Variants in CCT5 observed in about 807,000 individuals in gnomAD.
CCT5 encodes chaperonin containing TCP1 subunit 5.
A neutral mutation model predicts 55.0 loss-of-function variants in CCT5; 6 were observed. The ratio of observed to expected loss-of-function variants is 0.11; its 90% CI spans 0.06 to 0.22. The LOEUF (loss-of-function observed/expected upper bound fraction) is 0.22, where lower values mean the gene tolerates loss of function less well. CCT5 is among the 10% of genes least tolerant of loss of function. CCT5 has a pLI of 1.00. For missense variants in CCT5, 560 were observed against 694.6 expected, an observed-to-expected ratio of 0.81 and a Z score of 2.18; for synonymous variants, 231 against 243.7, an observed-to-expected ratio of 0.95 and a Z score of 0.49.
chr5:10,255,573 G>A (rs1200122762), intron 3 of CCT5, among the ~76,000 whole-genome samples: 4 of 127,132 alleles, frequency 3.1e-5, no homozygotes, highest in Admixed American at 8.9e-5. Context: ...GAGAAAGGAG[G>A]ATGGGGGTGG....
At chr5:10,258,355 C>G in intron 5 of CCT5, 31 bp from the exon 6 acceptor site, 1 of 1,613,894 alleles carries the variant, frequency 6.2e-7, no homozygotes, top group Admixed American at 1.7e-5. Flanking sequence ...CTTAATTCCA[C>G]CAATTAAAAT....
intron 4 of CCT5, 26 bp from the exon 5 acceptor site, chr5:10,258,085 A>C (rs775816493): frequency 2.9e-5 from 47 of 1,611,888 alleles, no homozygotes; most frequent in Non-Finnish European, 3.9e-5. Flanking sequence ...AAACCAATGA[A>C]GTTTGTTTTG....
intron 4 of CCT5, among the ~76,000 whole-genome samples, chr5:10,257,521 T>G (rs1340968415): frequency 1.3e-5 from 2 of 152,366 alleles, no homozygotes; most frequent in East Asian, 3.8e-4. Flanking sequence ...AGTGCTAGGT[T>G]TCCCTAGTTG....
At chr5:10,249,931 AAAACC>A (rs1415771084), upstream of CCT5, 2,891 of 644,888 alleles carry the variant, frequency 4.5e-3, 15 homozygotes, top group Non-Finnish European at 5.2e-3. Flanking sequence ...AAAAAAAAAA[AAAACC>A]GGAAATGGGT....
intron 8 of CCT5, chr5:10,262,138 C>A: frequency 2.5e-6 from 1 of 400,238 alleles, no homozygotes; most frequent in Non-Finnish European, 4.7e-6. Context: ...TGACTTACAT[C>A]TGTCCCTTAG....
At chr5:10,264,600 T>C in intron 10 of CCT5, 56 bp from the exon 11 acceptor site, 3 of 1,140,376 alleles carry the variant, frequency 2.6e-6, no homozygotes, top group Non-Finnish European at 4.0e-6. Flanking sequence ...AAGAGTTGGT[T>C]ATTGATAGTT....
intron 1 of CCT5, among the ~76,000 whole-genome samples, chr5:10,251,540 G>T (rs1745415455): frequency 6.6e-6 from 1 of 152,136 alleles, no homozygotes; most frequent in Non-Finnish European, 1.5e-5. Context: ...TGTCTTGGAG[G>T]TTTACTTACG....
At chr5:10,260,052 A>G (rs1579454089) in intron 6 of CCT5, among the ~76,000 whole-genome samples, 1 of 152,032 alleles carries the variant, frequency 6.6e-6, no homozygotes, top group Non-Finnish European at 1.5e-5. Flanking sequence ...TGTGACGGAG[A>G]GATTGTATAA....
At chr5:10,260,989 C>T in intron 7 of CCT5, 78 bp downstream of exon 7, 1 of 1,423,042 alleles carries the variant, frequency 7.0e-7, no homozygotes, top group Non-Finnish European at 9.9e-7. Flanking sequence ...ATAGCCCTGC[C>T]TTAAATAACT....
chr5:10,263,241 C>T lies in CCT5; in HGVS notation c.1425C>T (p.Thr475=), dbSNP rs370529963. ...NSGMNPIQTM[T]EVRARQVKEM... ...GCATGAATCCCATCCAGACTATGAC[C>T]GAAGTCCGAGCCAGACAGGTGAAGG... is the stretch of plus-strand genomic sequence containing the variant. Residue 475 remains threonine (T), a synonymous_variant, in exon 10 of 11, where the codon ACC becomes ACT. Transcript: ENST00000280326. The T allele has an allele frequency of 7.2e-5, 116 of 1,614,030 alleles. No individual in the cohort carries two copies. Among genetic ancestry groups the T allele is most frequent in the African/African-American group, 5.3e-4 (40 of 74,892 alleles).
In CCT5 at chr5:10,254,773, A is replaced by G. The variant is rs747601270; in HGVS notation, c.266A>G (p.Lys89Arg). 3.7e-6 allele frequency: 6 copies of G among 1,614,100 alleles called. No individual in the cohort carries two copies. The highest frequency in any genetic ancestry group is 1.1e-5 in the South Asian group (1 of 91,088). ...ATGGATGTTGATCATCAGATTGCCAAGCTGATGGTGGAACTGTCCAAGTCT... is the reference window on the plus strand; with the variant it reads ...ATGGATGTTGATCATCAGATTGCCAGGCTGATGGTGGAACTGTCCAAGTCT... ...SMMDVDHQIA[K>R]LMVELSKSQD... The change falls in exon 3 of 11, where the codon AAG becomes AGG. Residue 89 changes from lysine (K) to arginine (R), a missense_variant. Transcript: ENST00000280326.
Position 10,264,838 on chromosome 5 carries a change from G to A in CCT5, c.*55G>A, listed in dbSNP as rs1746143144. On this transcript the variant is annotated 3_prime_UTR_variant, in exon 11 of 11. Coordinates refer to ENST00000280326, the MANE Select transcript of CCT5 (RefSeq NM_012073.5). ...CACTTCTGTGATTAAGTAAATGGAT[G>A]TCTCGTGATGCATCTACAGTTATTT... The A allele has an allele frequency of 6.2e-7, 1 of 1,605,166 alleles. No homozygotes were observed. Among genetic ancestry groups the A allele is most frequent in the Non-Finnish European group, 8.5e-7 (1 of 1,172,424 alleles).
At chr5:10,252,551 G>A (rs1384731540) in intron 1 of CCT5, among the ~76,000 whole-genome samples, 1 of 148,672 alleles carries the variant, frequency 6.7e-6, no homozygotes, top group Non-Finnish European at 1.5e-5. Flanking sequence ...GGAGGCAGAG[G>A]TTGCGGTGAG....
chr5:10,254,825 C>T lies in CCT5; in HGVS notation c.318C>T (p.Thr106=), dbSNP rs2126500116. The change falls in exon 3 of 11, where the codon ACC becomes ACT. Residue 106 remains threonine, a synonymous_variant. Coordinates refer to ENST00000280326, the MANE Select transcript of CCT5 (RefSeq NM_012073.5). Reference sequence around the variant, plus strand: ...AGGATGATGAAATTGGAGATGGAACCACAGGAGTGGTTGGTAAGAAAAGAC... The same window carrying T: ...AGGATGATGAAATTGGAGATGGAACTACAGGAGTGGTTGGTAAGAAAAGAC... ...KSQDDEIGDG[T]TGVVVLAGAL... 6 of 1,613,910 alleles carry T rather than the reference C, an allele frequency of 3.7e-6. No homozygotes were observed. The highest frequency in any genetic ancestry group is 5.1e-6 in the Non-Finnish European group (6 of 1,179,852).
Position 10,252,119 on chromosome 5 carries a change from C to T in CCT5, c.105+1674C>T, listed in dbSNP as rs542184664. Among the ~76,000 whole-genome samples, 39 of 152,328 alleles carry T rather than the reference C, an allele frequency of 2.6e-4. 1 individual carries two copies. In the South Asian group the frequency reaches 8.1e-3, roughly 32 times the overall value. On this transcript the variant is annotated intron_variant, in intron 1 of 10. Coordinates refer to ENST00000280326, the MANE Select transcript of CCT5 (RefSeq NM_012073.5). Reference sequence around the variant, plus strand: ...TATTGACATTCGAGGTCGGATCATTCTTTGCTGTGGGAGCTCATTTGGACA... The same window carrying T: ...TATTGACATTCGAGGTCGGATCATTTTTTGCTGTGGGAGCTCATTTGGACA...
chr5:10,254,408 T>G, intron 2 of CCT5: 1 of 597,120 alleles, frequency 1.7e-6, no homozygotes. Flanking sequence ...TTTTTTTTTT[T>G]TAGCATGTAA....
In CCT5 at chr5:10,261,734, G is replaced by A; in HGVS notation, c.1168G>A (p.Gly390Arg). 12 of 1,613,518 alleles carry A rather than the reference G, an allele frequency of 7.4e-6. No individual in the cohort carries two copies. The highest frequency in any genetic ancestry group is 9.3e-6 in the Non-Finnish European group (11 of 1,179,554). ...SRAVTIFIRG[G>R]NKMIIEEAKR... ...AGCTGTAACCATTTTTATTAGAGGA[G>A]GAAATAAGATGGTGAGAATTCAACT... Residue 390 changes from glycine (G) to arginine (R), a missense_variant, in exon 8 of 11, where the codon GGA becomes AGA. Gly to Arg is a moderately radical substitution (Grantham distance 125). Transcript: ENST00000280326.
chr5:10,261,659 G>A lies in CCT5; in HGVS notation c.1093G>A (p.Gly365Arg). ...TGGTCTTGTACAGGAGATCTCATTT[G>A]GGACAACTAAGGATAAAATGCTGGT... ...FAGLVQEISF[G>R]TTKDKMLVIE... Residue 365 changes from glycine to arginine, a missense_variant, in exon 8 of 11, where the codon GGG (glycine) becomes AGG (arginine). By Grantham distance (125) the Gly-to-Arg change is moderately radical. Transcript: ENST00000280326. 3.1e-6 allele frequency: 5 copies of A among 1,614,100 alleles called. No homozygotes were observed. Among genetic ancestry groups the A allele is most frequent in the Non-Finnish European group, 4.2e-6 (5 of 1,179,970 alleles).
intron 7 of CCT5, 88 bp from the exon 8 acceptor site, chr5:10,261,472 A>G (rs1226343882): frequency 4.1e-5 from 52 of 1,277,456 alleles, no homozygotes; most frequent in Non-Finnish European, 5.7e-5. Flanking sequence ...AGTTGGTCTT[A>G]GATCAAGTTT....
Sources: gnomAD v4.1 joint callset for allele counts (sites outside exome capture counted in the v4.1 genomes callset) on GRCh38, gnomAD v4.1.1 for gene constraint, MANE v1.5 for transcripts, NCBI Gene and HGNC (gene_info 2026-07-23, HGNC 2026-07-21) for gene names.